Variants in FAM107B observed in about 807,000 individuals in gnomAD.
The protein encoded by FAM107B is protein FAM107B.
Under a neutral mutation model 31.5 loss-of-function variants are expected in FAM107B, and 21 were observed. That is an observed-to-expected ratio of 0.67 (90% confidence interval 0.47 to 0.96). The LOEUF (loss-of-function observed/expected upper bound fraction) is 0.96. FAM107B is among the 40% of genes least tolerant of loss of function. FAM107B has a pLI of 0.00. For synonymous variants in FAM107B, 157 were observed against 141.5 expected (o/e 1.11, Z -0.78); for missense variants, 452 against 377.1 (o/e 1.20, Z -1.64).
chr10:14,696,973 C>G (rs1483554172), intron 1 of FAM107B, among the ~76,000 whole-genome samples: 1 of 152,166 alleles, frequency 6.6e-6, no homozygotes, highest in Non-Finnish European at 1.5e-5. Context: ...GTGTCCCCAA[C>G]CCCCACTACT....
chr10:14,552,461 A>G (rs1488595549), intron 2 of FAM107B, among the ~76,000 whole-genome samples: 2 of 92,744 alleles, frequency 2.2e-5, no homozygotes, highest in Non-Finnish European at 4.9e-5. Flanking sequence ...ACCCACACAC[A>G]CCCAACAATG....
At chr10:14,559,910 G>T (rs1850090042) in intron 2 of FAM107B, among the ~76,000 whole-genome samples, 1 of 152,124 alleles carries the variant, frequency 6.6e-6, no homozygotes, top group Non-Finnish European at 1.5e-5. Flanking sequence ...TAAAGGAACT[G>T]TAAGAGCCTT....
intron 2 of FAM107B, among the ~76,000 whole-genome samples, chr10:14,642,080 A>C (rs1853641908): frequency 6.6e-6 from 1 of 152,248 alleles, no homozygotes; most frequent in South Asian, 2.1e-4. Flanking sequence ...GGCATAAGAT[A>C]AATGTTCCCA....
chr10:14,527,555 T>G (rs1381934718), intron 3 of FAM107B, among the ~76,000 whole-genome samples: 1 of 152,246 alleles, frequency 6.6e-6, no homozygotes. Context: ...TAAACACTAT[T>G]TCAAAAAACT....
Position 14,548,742 on chromosome 10 carries a change from C to T in FAM107B, c.470-18227G>A, listed in dbSNP as rs143072613. ...AGCCGCAAAACGTGCCAGAAAAATG[C>T]AAATTGGCATCCAGCAGGGAAGAGG... On this transcript the variant is annotated intron_variant, in intron 2 of 4. Coordinates refer to ENST00000181796, the MANE Select transcript of FAM107B (RefSeq NM_031453.4). The T allele has an allele frequency of 4.9e-4, 385 of 792,512 alleles. 1 individual carries two copies. In the African/African-American group the frequency reaches 6.5e-3, roughly 13 times the overall value. The allele number at this position is 792,512 out of a possible 1,614,324, so 49.1% of individuals were successfully genotyped here.
intron 1 of FAM107B, among the ~76,000 whole-genome samples, chr10:14,767,868 A>G (rs1243501371): frequency 2.0e-5 from 3 of 152,218 alleles, no homozygotes; most frequent in Non-Finnish European, 4.4e-5. Flanking sequence ...TTGGAAAAGA[A>G]GAAGTAAAAT....
intron 2 of FAM107B, among the ~76,000 whole-genome samples, chr10:14,537,847 A>AG (rs1564539207): frequency 1.3e-5 from 2 of 151,842 alleles, no homozygotes; most frequent in Non-Finnish European, 2.9e-5. Context: ...AAAAAAAAAA[A>AG]AAAAAATGAA....
intron 1 of FAM107B, among the ~76,000 whole-genome samples, chr10:14,742,142 T>C (rs952767763): frequency 1.3e-5 from 2 of 151,836 alleles, no homozygotes; most frequent in African/African-American, 4.8e-5. Flanking sequence ...GAAAGGGTCT[T>C]GCTCTCTGGC....
At chr10:14,617,751 C>T (rs1444627172) in intron 2 of FAM107B, among the ~76,000 whole-genome samples, 4 of 122,126 alleles carry the variant, frequency 3.3e-5, no homozygotes, top group Admixed American at 2.0e-4. Context: ...TTCAGGTAGA[C>T]GCCAAAAAAA....
intron 2 of FAM107B, among the ~76,000 whole-genome samples, chr10:14,582,830 A>G (rs1171358628): frequency 1.3e-5 from 2 of 152,176 alleles, no homozygotes; most frequent in Non-Finnish European, 1.5e-5. Context: ...TTACGCCTAT[A>G]ATCCCAGCAC....
At chr10:14,731,152 C>A (rs946174743) in intron 1 of FAM107B, among the ~76,000 whole-genome samples, 1 of 152,082 alleles carries the variant, frequency 6.6e-6, no homozygotes, top group African/African-American at 2.4e-5. Flanking sequence ...ATCCATTGGT[C>A]CATTTATTGA....
At chr10:14,677,128 G>A (rs894519931) in intron 1 of FAM107B, among the ~76,000 whole-genome samples, 4 of 152,106 alleles carry the variant, frequency 2.6e-5, no homozygotes, top group African/African-American at 9.7e-5. Flanking sequence ...GATCCCAGGA[G>A]CATTCCCTAA....
intron 2 of FAM107B, among the ~76,000 whole-genome samples, chr10:14,557,136 G>T (rs887373154): frequency 6.6e-6 from 1 of 152,118 alleles, no homozygotes; most frequent in Admixed American, 6.5e-5. Flanking sequence ...AATCCAACAC[G>T]GGTCCCTCCG....
intron 2 of FAM107B, among the ~76,000 whole-genome samples, chr10:14,621,390 T>C (rs547646451): frequency 1.3e-5 from 2 of 152,376 alleles, no homozygotes; most frequent in East Asian, 1.9e-4. Flanking sequence ...TCTTTGATTC[T>C]AGATCTTAAG....
intron 2 of FAM107B, among the ~76,000 whole-genome samples, chr10:14,548,938 T>C (rs1848990387): frequency 6.6e-6 from 1 of 152,008 alleles, no homozygotes; most frequent in Admixed American, 6.5e-5. Context: ...TGAAAGGTAA[T>C]TAGGTTTAGA....
chr10:14,524,083 C>T (rs1293118959), intron 3 of FAM107B, among the ~76,000 whole-genome samples: 1 of 151,270 alleles, frequency 6.6e-6, no homozygotes, highest in Non-Finnish European at 1.5e-5. Flanking sequence ...CTCTTGTTGC[C>T]CAGGATGGAG....
intron 1 of FAM107B, among the ~76,000 whole-genome samples, chr10:14,716,177 G>C (rs1457701354): frequency 2.0e-5 from 3 of 152,102 alleles, no homozygotes; most frequent in Admixed American, 6.5e-5. Flanking sequence ...TACTTATCTG[G>C]AGAGTCCTAA....
intron 2 of FAM107B, among the ~76,000 whole-genome samples, chr10:14,603,437 T>A (rs1361436127): frequency 2.0e-5 from 3 of 152,204 alleles, no homozygotes; most frequent in African/African-American, 7.2e-5. Context: ...TTGCCTAAAA[T>A]CTTTGGGAGG....
chr10:14,537,516 A>T (rs1353902594), intron 2 of FAM107B, among the ~76,000 whole-genome samples: 1 of 152,154 alleles, frequency 6.6e-6, no homozygotes, highest in African/African-American at 2.4e-5. Context: ...GGACTGACAG[A>T]TCTCACAGGG....
Sources: gnomAD v4.1 joint callset for allele counts (sites outside exome capture counted in the v4.1 genomes callset) on GRCh38, gnomAD v4.1.1 for gene constraint, MANE v1.5 for transcripts, NCBI Gene and HGNC (gene_info 2026-07-23, HGNC 2026-07-21) for gene names.